AMBRA1: variants seen among roughly 807,000 people sequenced by gnomAD.
The protein encoded by AMBRA1 is autophagy and beclin 1 regulator 1, also known as activating molecule in BECN1-regulated autophagy protein 1.
In AMBRA1, 47 loss-of-function variants were observed where a neutral mutation model predicts 125.4. That is an observed-to-expected ratio of 0.37 (90% CI 0.30 to 0.48). AMBRA1 has a LOEUF of 0.48. Among genes scored for constraint, AMBRA1 ranks in the 20% least tolerant of loss-of-function variants. The probability of loss-of-function intolerance (pLI) is 0.99; values close to 1 mark genes in which losing one functional copy is unlikely to be tolerated. For synonymous variants in AMBRA1, 626 were observed against 655.5 expected, an observed-to-expected ratio of 0.95 and a Z score of 0.69; for missense variants, 1,331 against 1,693.4, an observed-to-expected ratio of 0.79 and a Z score of 3.76.
chr11:46,410,416 G>A (rs1483702459), intron 15 of AMBRA1, 48 bp from the exon 16 acceptor site: 2 of 1,526,084 alleles, frequency 1.3e-6, no homozygotes, highest in Admixed American at 1.7e-5. Context: ...AGGCATTAGA[G>A]AGGGAAGGAT....
chr11:46,422,173 C>T (rs1366824351), intron 14 of AMBRA1, among the ~76,000 whole-genome samples: 1 of 152,172 alleles, frequency 6.6e-6, no homozygotes, highest in Non-Finnish European at 1.5e-5. Flanking sequence ...CAAAACCCAG[C>T]TGCTGATTCA....
chr11:46,477,278 C>T (rs1382641791), intron 11 of AMBRA1, among the ~76,000 whole-genome samples: 2 of 151,556 alleles, frequency 1.3e-5, no homozygotes, highest in Non-Finnish European at 2.9e-5. Flanking sequence ...AGGATAAGGC[C>T]GAGTTTTCAT....
intron 11 of AMBRA1, among the ~76,000 whole-genome samples, chr11:46,468,570 G>A (rs577113997): frequency 6.5e-4 from 98 of 151,424 alleles, no homozygotes; most frequent in African/African-American, 2.3e-3. Flanking sequence ...AGGCTGAGGT[G>A]GGTGCATCAC....
At chr11:46,406,372 TAAAAAAAAAAA>T (rs529275776) in intron 17 of AMBRA1, among the ~76,000 whole-genome samples, 3 of 81,570 alleles carry the variant, frequency 3.7e-5, no homozygotes, top group African/African-American at 1.4e-4. Context: ...ATCTTTAAAT[TAAAAAAAAAAA>T]AAAAAAAAAA....
In AMBRA1 at chr11:46,543,093, C is replaced by T; in HGVS notation, c.924G>A (p.Leu308=). 6.3e-7 allele frequency: 1 copy of T among 1,589,126 alleles called. No individual in the cohort carries two copies. The highest frequency in any genetic ancestry group is 8.5e-7 in the Non-Finnish European group (1 of 1,174,708). ...TAECCQHLGI[L]CLCSRCSGTR... ...TGCCAGAGCAGCGGCTGCAAAGGCA[C>T]AGGATCCCAAGGTGCTGGCAGCACT... is the stretch of plus-strand genomic sequence containing the variant. Residue 308 remains leucine, a synonymous_variant, in exon 7 of 18, where the codon CTG becomes CTA. Transcript: ENST00000683756.
chr11:46,428,770 G>A lies in AMBRA1; in HGVS notation c.2976+4704C>T, dbSNP rs1947287946. 5 of 1,611,086 alleles carry A rather than the reference G, an allele frequency of 3.1e-6. No homozygotes were observed. The East Asian group carries it at 8.9e-5, about 29-fold the overall frequency. On this transcript the variant is annotated intron_variant, in intron 14 of 17. Transcript: ENST00000683756. Reference sequence around the variant, plus strand: ...CACCAGGTGGCACAGCACTCCGTCTGTAGGTATCTCTGTCAGCTTCCCCTC... The same window carrying A: ...CACCAGGTGGCACAGCACTCCGTCTATAGGTATCTCTGTCAGCTTCCCCTC...
intron 7 of AMBRA1, among the ~76,000 whole-genome samples, chr11:46,541,619 C>T (rs957218191): frequency 2.0e-5 from 3 of 152,148 alleles, no homozygotes; most frequent in Non-Finnish European, 2.9e-5. Flanking sequence ...TACAATGTCT[C>T]GACAAGGTCA....
intron 9 of AMBRA1, among the ~76,000 whole-genome samples, chr11:46,505,295 C>G (rs1207449193): frequency 6.6e-6 from 1 of 152,200 alleles, no homozygotes; most frequent in Admixed American, 6.5e-5. Flanking sequence ...TCCCTCCTCA[C>G]AGAGCACGTG....
In AMBRA1 at chr11:46,593,937, G is replaced by A. The variant is rs978834080; in HGVS notation, c.-230C>T. Reference sequence around the variant, plus strand: ...AAGGGGTCCGTTCTACCGACCGGCAGGAGAAGGCGGCTTGAGCGCGGGGCC... The same window carrying A: ...AAGGGGTCCGTTCTACCGACCGGCAAGAGAAGGCGGCTTGAGCGCGGGGCC... On this transcript the variant is annotated 5_prime_UTR_variant, in exon 1 of 18. Transcript: ENST00000683756. 2 of 398,544 alleles carry A rather than the reference G, an allele frequency of 5.0e-6. No homozygotes were observed. The highest frequency in any genetic ancestry group is 4.4e-6 in the Non-Finnish European group (1 of 226,106). The allele number at this position is 398,544 out of a possible 1,614,324, so 24.7% of individuals were successfully genotyped here. A position where few individuals can be genotyped will look rare whatever the true frequency, so the allele number is the denominator to read the frequency against.
chr11:46,574,485 T>A (rs1324158680), intron 1 of AMBRA1, among the ~76,000 whole-genome samples: 1 of 151,842 alleles, frequency 6.6e-6, no homozygotes. Flanking sequence ...TGTCTGTTCA[T>A]GTCCTTCGCC....
intron 12 of AMBRA1, among the ~76,000 whole-genome samples, chr11:46,435,659 C>T (rs1590802181): frequency 6.6e-6 from 1 of 152,216 alleles, no homozygotes; most frequent in Non-Finnish European, 1.5e-5. Flanking sequence ...GGCTGGATGG[C>T]CAGGGCTCTT....
chr11:46,484,847 G>T (rs192776293), intron 11 of AMBRA1, among the ~76,000 whole-genome samples: 1 of 150,800 alleles, frequency 6.6e-6, no homozygotes, highest in Non-Finnish European at 1.5e-5. Context: ...GGGTTTCACC[G>T]TGTTAGCCAG....
intron 15 of AMBRA1, among the ~76,000 whole-genome samples, chr11:46,411,323 G>A (rs1285570016): frequency 6.6e-6 from 1 of 152,200 alleles, no homozygotes; most frequent in African/African-American, 2.4e-5. Flanking sequence ...GCTGGGAGGT[G>A]CTTCCTTCCT....
intron 7 of AMBRA1, chr11:46,518,325 G>T: frequency 5.4e-6 from 1 of 183,756 alleles, no homozygotes; most frequent in Non-Finnish European, 1.2e-5. Flanking sequence ...AGCTACTTGG[G>T]AAGCTGAGGC....
intron 1 of AMBRA1, among the ~76,000 whole-genome samples, chr11:46,591,717 G>A (rs1161084623): frequency 6.6e-6 from 1 of 151,682 alleles, no homozygotes; most frequent in Non-Finnish European, 1.5e-5. Flanking sequence ...TTAGCTGGGC[G>A]TGGTGGCGAC....
intron 1 of AMBRA1, among the ~76,000 whole-genome samples, chr11:46,571,641 A>G (rs1452051100): frequency 1.3e-5 from 2 of 150,032 alleles, no homozygotes; most frequent in Admixed American, 1.3e-4. Flanking sequence ...GTGTCACTGC[A>G]CTCTAGCCTA....
chr11:46,550,222 T>C (rs1163426321), intron 1 of AMBRA1, among the ~76,000 whole-genome samples: 1 of 152,250 alleles, frequency 6.6e-6, no homozygotes, highest in African/African-American at 2.4e-5. Flanking sequence ...CTTGCCTCTC[T>C]ATACCTTTAT....
At chr11:46,554,961 T>A (rs754834217) in intron 1 of AMBRA1, among the ~76,000 whole-genome samples, 1 of 152,030 alleles carries the variant, frequency 6.6e-6, no homozygotes, top group Non-Finnish European at 1.5e-5. Flanking sequence ...CGGTCAGGCA[T>A]GGTGGGAGGC....
chr11:46,454,623 C>A (rs1395760009), intron 11 of AMBRA1, among the ~76,000 whole-genome samples: 1 of 149,298 alleles, frequency 6.7e-6, no homozygotes, highest in Non-Finnish European at 1.5e-5. Flanking sequence ...AGGTGGCGGG[C>A]GCCTGCAGTC....
Sources: allele counts gnomAD v4.1 joint callset (sites outside exome capture counted in the v4.1 genomes callset), GRCh38; gene constraint gnomAD v4.1.1; transcripts MANE v1.5; gene names NCBI Gene and HGNC (gene_info 2026-07-23, HGNC 2026-07-21).